The following DGKB variants were observed in gnomAD, a reference collection of about 807,000 sequenced individuals.
DGKB encodes the protein 90 kDa diacylglycerol kinase.
Under a neutral mutation model 114.3 loss-of-function variants are expected in DGKB, and 67 were observed. That is an observed-to-expected ratio of 0.59 (90% confidence interval 0.48 to 0.72). The LOEUF (loss-of-function observed/expected upper bound fraction) is 0.72. DGKB is among the 30% of genes least tolerant of loss of function. The pLI is 0.00. For synonymous variants in DGKB, 398 were observed against 323.1 expected, an observed-to-expected ratio of 1.23 and a Z score of -2.49; for missense variants, 907 against 975.2, an observed-to-expected ratio of 0.93 and a Z score of 0.93.
chr7:14,371,366 T>A (rs1445290022), intron 21 of DGKB, among the ~76,000 whole-genome samples: 1 of 152,202 alleles, frequency 6.6e-6, no homozygotes, highest in East Asian at 1.9e-4. Context: ...ATAGCCATTC[T>A]GATTGGTGTG....
At position 14,613,463 on chromosome 7, in the gene DGKB, G is replaced by C. The variant is rs1486083004; in HGVS notation, c.1285-50C>G. On this transcript the variant is annotated intron_variant, in intron 15 of 25. Coordinates refer to ENST00000402815, the MANE Select transcript of DGKB (RefSeq NM_001350709.2). ...AAAAATTATTAGGCCCATTATATAT[G>C]AAGAAGACTCCTTGTTATTTCTAAA... The C allele has an allele frequency of 4.4e-6, 4 of 913,934 alleles. No homozygotes were observed. In the African/African-American group the frequency reaches 6.8e-5, roughly 15 times the overall value. 56.6% of individuals were successfully genotyped at this position (913,934 alleles called of 1,614,324 possible). A position where few individuals can be genotyped will look rare whatever the true frequency, so the allele number is the denominator to read the frequency against.
At chr7:14,693,293 T>C (rs1172740657) in intron 9 of DGKB, among the ~76,000 whole-genome samples, 1 of 152,152 alleles carries the variant, frequency 6.6e-6, no homozygotes, top group Non-Finnish European at 1.5e-5. Flanking sequence ...TAATGCTGAA[T>C]TTAAAAATCT....
At chr7:14,437,061 A>G (rs896726801) in intron 21 of DGKB, among the ~76,000 whole-genome samples, 1 of 151,970 alleles carries the variant, frequency 6.6e-6, no homozygotes, top group Non-Finnish European at 1.5e-5. Context: ...TATGTGTTTT[A>G]GCAGTAAAGA....
chr7:14,829,273 AG>A (rs1846098850), intron 2 of DGKB, among the ~76,000 whole-genome samples: 1 of 152,142 alleles, frequency 6.6e-6, no homozygotes, highest in South Asian at 2.1e-4. Context: ...TATGGAAGAA[AG>A]TGTCTGACAT....
At chr7:14,471,179 G>GTA (rs1363066948) in intron 21 of DGKB, among the ~76,000 whole-genome samples, 1 of 102,790 alleles carries the variant, frequency 9.7e-6, no homozygotes, top group Middle Eastern at 0.01. Context: ...TGGAATATAT[G>GTA]TATATATACA....
intron 1 of DGKB, among the ~76,000 whole-genome samples, chr7:14,937,231 A>T (rs553517993): frequency 5.9e-5 from 9 of 152,108 alleles, no homozygotes; most frequent in Non-Finnish European, 1.3e-4. Flanking sequence ...TCATGTTTCT[A>T]AATATAGGTT....
At chr7:14,933,485 A>AT (rs1320587867) in intron 1 of DGKB, among the ~76,000 whole-genome samples, 1 of 152,100 alleles carries the variant, frequency 6.6e-6, no homozygotes, top group Non-Finnish European at 1.5e-5. Context: ...AATAGAATGC[A>AT]TTTTTCATTG....
intron 1 of DGKB, among the ~76,000 whole-genome samples, chr7:14,965,120 G>T (rs190145858): frequency 1.3e-5 from 2 of 152,200 alleles, no homozygotes; most frequent in East Asian, 3.9e-4. Context: ...AGTTGGAAGA[G>T]AATACATTTT....
Position 14,920,331 on chromosome 7 carries a change from GA to G in DGKB, c.-188+54364del, listed in dbSNP as rs530188750. Among the ~76,000 whole-genome samples, 222 of 152,096 alleles carry G rather than the reference GA, an allele frequency of 1.5e-3. 2 individuals carry two copies. Among genetic ancestry groups the G allele is most frequent in the African/African-American group, 5.3e-3 (219 of 41,496 alleles). On this transcript the variant is annotated intron_variant, in intron 1 of 4. Transcript: ENST00000437998. The stretch of plus-strand genomic sequence containing the variant: ...TCATAAGGAAACAATTTAAAAATGG[GA>G]AAAATATATGAAAGACACCTCATGA...
intron 23 of DGKB, among the ~76,000 whole-genome samples, chr7:14,197,652 C>T (rs896896742): frequency 3.3e-5 from 5 of 152,064 alleles, no homozygotes; most frequent in African/African-American, 9.7e-5. Context: ...CCACTTTTAC[C>T]AGATAGTTTA....
intron 1 of DGKB, among the ~76,000 whole-genome samples, chr7:14,943,599 T>C (rs1785693671): frequency 6.6e-6 from 1 of 151,498 alleles, no homozygotes; most frequent in Non-Finnish European, 1.5e-5. Flanking sequence ...ACATTTGTTA[T>C]AAAGAAATTT....
At chr7:14,652,431 A>G (rs939225803) in intron 13 of DGKB, among the ~76,000 whole-genome samples, 4 of 151,900 alleles carry the variant, frequency 2.6e-5, no homozygotes, top group East Asian at 1.9e-4. Flanking sequence ...TGGTGCTGGG[A>G]AAACTGGCAA....
At chr7:14,220,423 T>C (rs968618847) in intron 23 of DGKB, among the ~76,000 whole-genome samples, 4 of 151,500 alleles carry the variant, frequency 2.6e-5, no homozygotes, top group African/African-American at 9.7e-5. Context: ...CTAAAATTAG[T>C]TGACCACAGA....
chr7:14,484,721 C>A (rs933356093), intron 20 of DGKB, among the ~76,000 whole-genome samples: 1 of 152,140 alleles, frequency 6.6e-6, no homozygotes, highest in Non-Finnish European at 1.5e-5. Context: ...TAACACACCC[C>A]AGATAGCACT....
chr7:14,642,926 G>T (rs1273563677), intron 13 of DGKB, among the ~76,000 whole-genome samples: 1 of 151,974 alleles, frequency 6.6e-6, no homozygotes, highest in Admixed American at 6.5e-5. Context: ...TTAATACATT[G>T]TAATCTCTCT....
chr7:14,304,046 AACACACAC>A (rs773102280), intron 23 of DGKB, among the ~76,000 whole-genome samples: 5 of 112,672 alleles, frequency 4.4e-5, no homozygotes, highest in Admixed American at 9.5e-5. Flanking sequence ...GTTCTTATAG[AACACACAC>A]ACACACACAC....
intron 20 of DGKB, among the ~76,000 whole-genome samples, chr7:14,511,031 G>C (rs1416854644): frequency 6.6e-6 from 1 of 152,172 alleles, no homozygotes; most frequent in Non-Finnish European, 1.5e-5. Context: ...TGCACAGTTA[G>C]AGTAGATTTT....
At chr7:14,473,753 T>G (rs1055619161) in intron 21 of DGKB, among the ~76,000 whole-genome samples, 3 of 152,212 alleles carry the variant, frequency 2.0e-5, no homozygotes, top group African/African-American at 4.8e-5. Context: ...GACCTGGATG[T>G]GAGACATAGA....
In DGKB at chr7:14,877,038, T is replaced by A. The variant is rs1012590946; in HGVS notation, c.-188+25554A>T. 1.1e-4 allele frequency among the ~76,000 whole-genome samples: 16 copies of A among 152,198 alleles called. 1 individual carries two copies. The highest frequency in any genetic ancestry group is 1.5e-5 in the Non-Finnish European group (1 of 68,034). ...TTTAGTGCTACGAAGAAGCACTAAATATGTGGAAAATACATAAAAGAACTC... is the reference window on the plus strand; with the variant it reads ...TTTAGTGCTACGAAGAAGCACTAAAAATGTGGAAAATACATAAAAGAACTC... On this transcript the variant is annotated intron_variant, in intron 1 of 25. Transcript: ENST00000402815.
Sources: allele counts gnomAD v4.1 joint callset (sites outside exome capture counted in the v4.1 genomes callset), GRCh38; gene constraint gnomAD v4.1.1; transcripts MANE v1.5; gene names NCBI Gene and HGNC (gene_info 2026-07-23, HGNC 2026-07-21).